Variants in TTC34 observed in about 807,000 individuals in gnomAD.
TTC34 encodes the protein tetratricopeptide repeat protein 34.
A neutral mutation model predicts 40.7 loss-of-function variants in TTC34; 44 were observed. The ratio of observed to expected loss-of-function variants is 1.08; its 90% CI spans 0.85 to 1.39. The LOEUF (loss-of-function observed/expected upper bound fraction) is 1.39. Ranked by LOEUF, TTC34 falls within the 40% of genes most tolerant of loss-of-function variation. The pLI is 0.00. For missense variants in TTC34, 884 were observed against 838.0 expected, an observed-to-expected ratio of 1.05 and a Z score of -0.68; for synonymous variants, 422 against 398.6, an observed-to-expected ratio of 1.06 and a Z score of -0.70.
chr1:2,685,867 C>T (rs1369391040), intron 6 of TTC34, among the ~76,000 whole-genome samples: 1 of 147,190 alleles, frequency 6.8e-6, no homozygotes, highest in African/African-American at 2.5e-5. Context: ...CAGCCTGGAA[C>T]AGCACCCTGC....
At position 2,687,322 on chromosome 1, in the gene TTC34, A is replaced by T. The variant is rs1180788638; in HGVS notation, c.2227-41759T>A. Among the ~76,000 whole-genome samples the T allele has an allele frequency of 1.2e-4, 8 of 66,488 alleles. 1 individual carries two copies. The highest frequency in any genetic ancestry group is 4.0e-4 in the African/African-American group (5 of 12,610). The allele number at this position is 66,488 out of a possible 152,430, so 43.6% of individuals were successfully genotyped here. On this transcript the variant is annotated intron_variant, in intron 6 of 8. Coordinates refer to ENST00000401095, the Ensembl canonical transcript of TTC34. ...ATCTGACATCGTGGAACAGCACCCC[A>T]AACCCACAGGTGAGCATCCGACAGC...
chr1:2,653,653 C>T (rs1307246163), intron 6 of TTC34, among the ~76,000 whole-genome samples: 4 of 148,896 alleles, frequency 2.7e-5, no homozygotes, highest in Admixed American at 6.7e-5. Flanking sequence ...TCCACACCCC[C>T]AGGCGAGCAT....
chr1:2,783,645 T>C, exon 6 of TTC34: 1 of 1,479,452 alleles, frequency 6.8e-7, no homozygotes, highest in East Asian at 2.7e-5. Flanking sequence ...CCAACGCCCG[T>C]CCACACAGTG....
At chr1:2,775,981 C>T (rs1464155076) in intron 6 of TTC34, 3 of 109,322 alleles carry the variant, frequency 2.7e-5, no homozygotes, top group African/African-American at 5.1e-5. Flanking sequence ...CACCTGGGGA[C>T]GCGTGGAAAA....
At chr1:2,691,764 G>A (rs1272310396) in intron 6 of TTC34, among the ~76,000 whole-genome samples, 1 of 92,502 alleles carries the variant, frequency 1.1e-5, no homozygotes, top group African/African-American at 3.6e-5. Flanking sequence ...GCATCTGAAC[G>A]CAAATAGCAG....
At chr1:2,655,046 CG>C (rs1639292987) in intron 6 of TTC34, among the ~76,000 whole-genome samples, 2 of 86,914 alleles carry the variant, frequency 2.3e-5, no homozygotes, top group African/African-American at 8.5e-5. Context: ...CGGAACAGCA[CG>C]CTGCACCCCC....
intron 1 of TTC34, 37 bp from the exon 2 acceptor site, chr1:2,800,905 G>A (rs60389769): frequency 0.35 from 139,891 of 398,350 alleles, 25,339 homozygotes; most frequent in South Asian, 0.47. Flanking sequence ...CACAGAGGGC[G>A]GCCAGTTCTC....
At chr1:2,749,639 C>G (rs1165324896) in intron 6 of TTC34, among the ~76,000 whole-genome samples, 1 of 113,706 alleles carries the variant, frequency 8.8e-6, no homozygotes, top group Admixed American at 8.8e-5. Context: ...GAGCAGCCCC[C>G]ACACCCAGAG....
chr1:2,675,163 C>G (rs796664323), intron 6 of TTC34, among the ~76,000 whole-genome samples: 1,104 of 122,632 alleles, frequency 9.0e-3, no homozygotes, highest in South Asian at 0.055. Context: ...ACCCACACCC[C>G]CAGGGGAGCA....
intron 2 of TTC34, among the ~76,000 whole-genome samples, chr1:2,795,340 G>A (rs1569975805): frequency 6.6e-6 from 1 of 152,240 alleles, no homozygotes; most frequent in East Asian, 1.9e-4. Flanking sequence ...GGTCTTACCA[G>A]GGGTCACTCA....
intron 6 of TTC34, among the ~76,000 whole-genome samples, chr1:2,683,626 C>A (rs549879573): frequency 6.7e-6 from 1 of 148,598 alleles, no homozygotes; most frequent in African/African-American, 2.6e-5. Flanking sequence ...TTCAGCAGCA[C>A]CCACACCCCC....
chr1:2,793,259 C>T (rs1192208824), intron 2 of TTC34, among the ~76,000 whole-genome samples: 3 of 152,184 alleles, frequency 2.0e-5, no homozygotes, highest in Non-Finnish European at 4.4e-5. Flanking sequence ...TACTATGATG[C>T]TGAATATTGT....
rs1327021531 is a variant in TTC34 at position 2,796,721 on chromosome 1, T to C, written c.784+3323A>G. Among the ~76,000 whole-genome samples the C allele has an allele frequency of 6.6e-6, 1 of 152,206 alleles. No individual in the cohort carries two copies. Among genetic ancestry groups the C allele is most frequent in the Non-Finnish European group, 1.5e-5 (1 of 68,026 alleles). The stretch of plus-strand genomic sequence containing the variant: ...GTCCTCACCAGCCCCTGAGTGCCTG[T>C]GCTCTGGGCACCCGGGGTCCCCTCC... On this transcript the variant is annotated intron_variant, in intron 2 of 8. Coordinates refer to ENST00000401095, the Ensembl canonical transcript of TTC34. The surrounding 1 kb of genome is among the most constrained non-coding windows in gnomAD (Gnocchi z 4.5).
chr1:2,787,823 G>T (rs1035140748), intron 3 of TTC34, 117 bp from the exon 4 acceptor site: 18 of 835,650 alleles, frequency 2.2e-5, no homozygotes, highest in Non-Finnish European at 3.2e-5. Context: ...AGCTCCCTCC[G>T]GAGGGACCCT....
At chr1:2,656,467 G>A (rs755579364) in intron 6 of TTC34, among the ~76,000 whole-genome samples, 60 of 31,388 alleles carry the variant, frequency 1.9e-3, no homozygotes, top group African/African-American at 4.1e-3. Flanking sequence ...CCCCAGGTGC[G>A]CACGTGACAG....
chr1:2,785,229 G>C (rs548636200), intron 5 of TTC34, among the ~76,000 whole-genome samples: 85 of 152,198 alleles, frequency 5.6e-4, no homozygotes, highest in African/African-American at 2.0e-3. Flanking sequence ...AGGATGAGGG[G>C]TGCTTACTAA....
At chr1:2,648,525 C>T (rs1291367415) in intron 6 of TTC34, among the ~76,000 whole-genome samples, 3 of 152,132 alleles carry the variant, frequency 2.0e-5, no homozygotes, top group Non-Finnish European at 4.4e-5. Flanking sequence ...TGCCTGGAAA[C>T]ATTTGCTCAT....
chr1:2,693,494 G>A (rs1395001303), intron 6 of TTC34, among the ~76,000 whole-genome samples: 49 of 59,296 alleles, frequency 8.3e-4, no homozygotes, highest in Non-Finnish European at 1.3e-3. Flanking sequence ...ACAGCCTGGA[G>A]AAGCACCCAC....
At chr1:2,768,391 A>G (rs1641860839) in intron 6 of TTC34, among the ~76,000 whole-genome samples, 1 of 151,628 alleles carries the variant, frequency 6.6e-6, no homozygotes, top group Admixed American at 6.6e-5. Flanking sequence ...AGGTGAGCAT[A>G]TGACAGCCCG....
Sources: gnomAD v4.1 joint callset for allele counts (sites outside exome capture counted in the v4.1 genomes callset) on GRCh38, gnomAD v4.1.1 for gene constraint, Gnocchi (gnomAD v3.1) non-coding constraint, MANE v1.5 for transcripts, NCBI Gene and HGNC (gene_info 2026-07-23, HGNC 2026-07-21) for gene names.